OTOA: variants seen among roughly 807,000 people sequenced by gnomAD.
The protein encoded by OTOA is cancer/testis antigen 108.
OTOA carries 70 observed loss-of-function variants against 110.8 expected under a neutral mutation model. That is an observed-to-expected ratio of 0.63 (90% confidence interval 0.52 to 0.77). The LOEUF (loss-of-function observed/expected upper bound fraction) is 0.77, where lower values mean the gene tolerates loss of function less well. Among genes scored for constraint, OTOA ranks in the 30% least tolerant of loss-of-function variants. The pLI, the probability that OTOA is intolerant of heterozygous loss-of-function variation, is 0.00. For synonymous variants in OTOA, 373 were observed against 431.5 expected (o/e 0.86, Z 1.68); for missense variants, 917 against 1,075.8 (o/e 0.85, Z 2.06).
intron 4 of OTOA, 30 bp from the exon 5 acceptor site, chr16:21,679,154 A>G: frequency 6.2e-7 from 1 of 1,613,844 alleles, no homozygotes; most frequent in Non-Finnish European, 8.5e-7. Flanking sequence ...TTCCTTTTAA[A>G]GATGTCTTTT....
intron 8 of OTOA, among the ~76,000 whole-genome samples, chr16:21,689,205 A>C (rs1456875283): frequency 6.6e-6 from 1 of 152,166 alleles, no homozygotes; most frequent in African/African-American, 2.4e-5. Context: ...AATGATTTAG[A>C]AGAAGGAAAA....
At chr16:21,727,420 G>A (rs1468697363) in intron 19 of OTOA, among the ~76,000 whole-genome samples, 3 of 152,142 alleles carry the variant, frequency 2.0e-5, no homozygotes, top group African/African-American at 7.2e-5. Flanking sequence ...CCACTAGCTG[G>A]CAGTTTCTTT....
intron 17 of OTOA, among the ~76,000 whole-genome samples, chr16:21,721,061 C>T (rs575959331): frequency 2.6e-5 from 4 of 151,600 alleles, no homozygotes; most frequent in African/African-American, 4.8e-5. Context: ...ATTCTAGGTG[C>T]GCACCACCAC....
rs775014040 is a variant in OTOA, at chr16:21,697,800, G to A, written c.765G>A (p.Ala255=). ...ATGACTCTGCTTCATGGGTCAGTGC[G>A]GAACACTTATGGGTTTTGGGCAGAT... ...ATDDSASWVS[A]EHLWVLGRYM... The change falls in exon 10 of 29, where the codon GCG becomes GCA. Residue 255 remains alanine (A), a synonymous_variant. Coordinates refer to ENST00000646100, the MANE Select transcript of OTOA (RefSeq NM_144672.4). 3.3e-5 allele frequency: 54 copies of A among 1,613,882 alleles called. No individual in the cohort carries two copies. The highest frequency in any genetic ancestry group is 8.9e-5 in the East Asian group (4 of 44,890).
chr16:21,679,606 T>C (rs1966873737), intron 5 of OTOA, among the ~76,000 whole-genome samples: 1 of 152,102 alleles, frequency 6.6e-6, no homozygotes, highest in Admixed American at 6.6e-5. Context: ...GTTTTCACCA[T>C]GTTGGCCAGG....
At chr16:21,705,558 C>A (rs950463455) in intron 12 of OTOA, 8 of 481,106 alleles carry the variant, frequency 1.7e-5, no homozygotes, top group Non-Finnish European at 3.0e-5. Flanking sequence ...GCCTGTAATC[C>A]CAGCACTTTG....
chr16:21,708,853 T>G (rs1898274580), intron 12 of OTOA, among the ~76,000 whole-genome samples: 1 of 152,196 alleles, frequency 6.6e-6, no homozygotes, highest in South Asian at 2.1e-4. Context: ...TTTATCACAT[T>G]CCTTACCGAA....
intron 28 of OTOA, among the ~76,000 whole-genome samples, chr16:21,757,846 G>C (rs1211343296): frequency 6.6e-6 from 1 of 152,060 alleles, no homozygotes; most frequent in Non-Finnish European, 1.5e-5. Context: ...TTGAACTCCT[G>C]ACCTCAGGTC....
At chr16:21,732,454 C>T (rs1002708463) in intron 21 of OTOA, among the ~76,000 whole-genome samples, 2 of 151,978 alleles carry the variant, frequency 1.3e-5, no homozygotes, top group African/African-American at 4.8e-5. Flanking sequence ...GTATACACTG[C>T]AACATATTTG....
intron 8 of OTOA, among the ~76,000 whole-genome samples, chr16:21,689,968 G>A (rs1316621488): frequency 5.9e-5 from 9 of 152,134 alleles, no homozygotes; most frequent in Non-Finnish European, 1.0e-4. Context: ...TTACAGGTGT[G>A]AGCCACTGCA....
chr16:21,720,789 A>ACT (rs1356749203), intron 17 of OTOA, among the ~76,000 whole-genome samples: 1 of 152,200 alleles, frequency 6.6e-6, no homozygotes, highest in Non-Finnish European at 1.5e-5. Context: ...TTCGAGCAGG[A>ACT]AGAGTTGCCC....
intron 14 of OTOA, among the ~76,000 whole-genome samples, chr16:21,716,357 G>A (rs911473061): frequency 6.6e-6 from 1 of 152,146 alleles, no homozygotes; most frequent in Non-Finnish European, 1.5e-5. Context: ...GGATCATGAG[G>A]TTAGGAGATT....
intron 8 of OTOA, among the ~76,000 whole-genome samples, chr16:21,689,922 G>A (rs553557379): frequency 5.3e-5 from 8 of 152,224 alleles, no homozygotes; most frequent in African/African-American, 1.7e-4. Context: ...CTGACCTCAG[G>A]TGATCCGCCT....
At chr16:21,707,658 TC>T (rs1898226697) in intron 12 of OTOA, among the ~76,000 whole-genome samples, 3 of 72,282 alleles carry the variant, frequency 4.2e-5, no homozygotes, top group South Asian at 4.1e-4. Context: ...TCTTTCTTTC[TC>T]TTTCTTTCTC....
intron 18 of OTOA, among the ~76,000 whole-genome samples, chr16:21,724,906 A>T (rs1372792145): frequency 6.6e-6 from 1 of 151,996 alleles, no homozygotes; most frequent in African/African-American, 2.4e-5. Flanking sequence ...CCTCCCCAGT[A>T]GCTGGGATTA....
intron 20 of OTOA, chr16:21,730,411 G>A (rs1899074714): frequency 4.3e-6 from 1 of 231,602 alleles, no homozygotes; most frequent in African/African-American, 2.2e-5. Flanking sequence ...AAGAGAACGG[G>A]AATGTATTGA....
chr16:21,707,665 T>TTCTCTTTCTG (rs1567379648), intron 12 of OTOA, among the ~76,000 whole-genome samples: 5 of 137,236 alleles, frequency 3.6e-5, no homozygotes, highest in African/African-American at 1.1e-4. Flanking sequence ...TTCTCTTTCT[T>TTCTCTTTCTG]TCTCTTTCTG....
Position 21,681,753 on chromosome 16 carries a change from G to C in OTOA, c.195G>C (p.Thr65=). 2 of 1,613,874 alleles carry C rather than the reference G, an allele frequency of 1.2e-6. No individual in the cohort carries two copies. Among genetic ancestry groups the C allele is most frequent in the Non-Finnish European group, 1.7e-6 (2 of 1,179,828 alleles). Residue 65 remains threonine, a synonymous_variant, in exon 6 of 29, where the codon ACG becomes ACC. Transcript: ENST00000646100. ...TCAACTGAAGCTCCCACGTGTGGAC[G>C]GATGACCTGTCCCACAGAGTCCTGG... ...LIQFQSSHVW[T]DDLSHRVLAY... is the part of the protein sequence containing the mutation.
At chr16:21,687,792 A>G in intron 8 of OTOA, 144 bp downstream of exon 8, 1 of 758,774 alleles carries the variant, frequency 1.3e-6, no homozygotes, top group South Asian at 1.6e-5. Context: ...CTCAATTCCA[A>G]GTAGCTGGGA....
Sources: allele counts gnomAD v4.1 joint callset (sites outside exome capture counted in the v4.1 genomes callset), GRCh38; gene constraint gnomAD v4.1.1; transcripts MANE v1.5; gene names NCBI Gene and HGNC (gene_info 2026-07-23, HGNC 2026-07-21).